The following THSD7B variants were observed in gnomAD, a reference collection of about 807,000 sequenced individuals.
The protein encoded by THSD7B is thrombospondin type 1 domain containing 7B.
In THSD7B, 138 loss-of-function variants were observed where a neutral mutation model predicts 213.6. That is an observed-to-expected ratio of 0.65 (90% CI 0.56 to 0.74). The LOEUF (loss-of-function observed/expected upper bound fraction) is 0.74, where lower values mean the gene tolerates loss of function less well. Ranked by LOEUF, THSD7B falls within the 30% of genes least tolerant of loss-of-function variation. The pLI is 0.00. For synonymous variants in THSD7B, 742 were observed against 687.0 expected (o/e 1.08, Z -1.25); for missense variants, 1,931 against 1,991.5 (o/e 0.97, Z 0.58).
At chr2:136,813,486 G>A (rs1400732651) in intron 1 of THSD7B, among the ~76,000 whole-genome samples, 2 of 145,944 alleles carry the variant, frequency 1.4e-5, no homozygotes, top group African/African-American at 5.6e-5. Flanking sequence ...ATTGACAAAT[G>A]GCTCGCCTGT....
At chr2:137,415,664 GTTTTTTTTT>G (rs10563702) in intron 14 of THSD7B, among the ~76,000 whole-genome samples, 1 of 80,116 alleles carries the variant, frequency 1.2e-5, no homozygotes, top group East Asian at 4.9e-4. Flanking sequence ...TTATATCAGT[GTTTTTTTTT>G]TTTTTTTTTT....
At chr2:137,069,259 A>G (rs1687435736) in intron 3 of THSD7B, among the ~76,000 whole-genome samples, 1 of 152,032 alleles carries the variant, frequency 6.6e-6, no homozygotes, top group Non-Finnish European at 1.5e-5. Context: ...ACTTTTTATA[A>G]TACCTTAACT....
At chr2:136,799,241 G>A (rs905400875) in intron 1 of THSD7B, among the ~76,000 whole-genome samples, 5 of 151,694 alleles carry the variant, frequency 3.3e-5, no homozygotes, top group African/African-American at 7.3e-5. Flanking sequence ...GCCCTCCACT[G>A]TAATAATCCA....
chr2:137,254,058 A>G (rs17418821), intron 10 of THSD7B, among the ~76,000 whole-genome samples: 3,421 of 152,294 alleles, frequency 0.022, 53 homozygotes, highest in East Asian at 0.052. Context: ...TGCTTAAATG[A>G]AATAGATTGC....
chr2:136,987,029 T>C (rs986604601), intron 2 of THSD7B, among the ~76,000 whole-genome samples: 1 of 152,222 alleles, frequency 6.6e-6, no homozygotes, highest in African/African-American at 2.4e-5. Context: ...ACCTACTTTG[T>C]GACAGAACAT....
chr2:136,816,821 C>T (rs995414047), intron 1 of THSD7B, among the ~76,000 whole-genome samples: 4 of 152,084 alleles, frequency 2.6e-5, no homozygotes, highest in Non-Finnish European at 4.4e-5. Flanking sequence ...ATATTATACA[C>T]GAAGATTGAA....
At position 137,080,186 on chromosome 2, in the gene THSD7B, G is replaced by GTA. The variant is rs1333165171; in HGVS notation, c.951-14676_951-14675dup. ...TAAATATATGTGTGTGTGTGTGTGT[G>GTA]TATATATATATAATTGTATTGTATT... is the stretch of plus-strand genomic sequence containing the variant. On this transcript the variant is annotated intron_variant, in intron 3 of 27. Coordinates refer to ENST00000409968, the MANE Select transcript of THSD7B (RefSeq NM_001316349.2). Among the ~76,000 whole-genome samples the GTA allele has an allele frequency of 1.6e-3, 237 of 150,184 alleles. No homozygotes were observed. In the East Asian group the frequency reaches 0.016, roughly 10 times the overall value.
chr2:136,998,964 G>A (rs1403409494), intron 2 of THSD7B, among the ~76,000 whole-genome samples: 2 of 117,674 alleles, frequency 1.7e-5, no homozygotes, highest in East Asian at 5.8e-4. Flanking sequence ...ACACACCCCT[G>A]CTTTCTTTTT....
intron 2 of THSD7B, among the ~76,000 whole-genome samples, chr2:137,049,064 T>C (rs996395828): frequency 6.6e-6 from 1 of 152,250 alleles, no homozygotes; most frequent in African/African-American, 2.4e-5. Flanking sequence ...AGCTGAAGCA[T>C]TTATTGTAAG....
At chr2:137,002,498 T>C (rs1037200469) in intron 2 of THSD7B, among the ~76,000 whole-genome samples, 1 of 152,196 alleles carries the variant, frequency 6.6e-6, no homozygotes, top group African/African-American at 2.4e-5. Flanking sequence ...TGGTATCTTA[T>C]GAGTTTTTAA....
At chr2:137,390,996 G>T (rs554917015) in intron 12 of THSD7B, among the ~76,000 whole-genome samples, 12 of 152,170 alleles carry the variant, frequency 7.9e-5, no homozygotes, top group African/African-American at 2.9e-4. Flanking sequence ...TGGGGTGTGT[G>T]TGTGTGTGTG....
At chr2:136,819,210 AG>A (rs1184855830) in intron 1 of THSD7B, among the ~76,000 whole-genome samples, 1 of 152,232 alleles carries the variant, frequency 6.6e-6, no homozygotes, top group Admixed American at 6.5e-5. Flanking sequence ...GGTCTTTAAA[AG>A]TCAAGATCAT....
At position 137,437,358 on chromosome 2, in the gene THSD7B, T is replaced by A. The variant is rs542222575; in HGVS notation, c.2960-13487T>A. ...AACAGTCAGTATAAGGAGATGGTCT[T>A]GCCTGTGCCCTCACTGCTCCAAGTT... On this transcript the variant is annotated intron_variant, in intron 14 of 27. Transcript: ENST00000409968. Among the ~76,000 whole-genome samples, 4 of 152,314 alleles carry A rather than the reference T, an allele frequency of 2.6e-5. No individual in the cohort carries two copies. The East Asian group carries it at 5.8e-4, about 22-fold the overall frequency.
intron 1 of THSD7B, among the ~76,000 whole-genome samples, chr2:136,836,207 G>T (rs1337413967): frequency 6.6e-6 from 1 of 152,180 alleles, no homozygotes; most frequent in Admixed American, 6.5e-5. Flanking sequence ...TATGTGAGCT[G>T]CAATGCAAAC....
intron 1 of THSD7B, among the ~76,000 whole-genome samples, chr2:136,802,672 T>TATATATATATAA (rs1682211032): frequency 8.1e-6 from 1 of 123,882 alleles, no homozygotes; most frequent in East Asian, 2.4e-4. Context: ...TATATATATA[T>TATATATATATAA]ATATATATAT....
At chr2:136,916,836 A>G (rs1349466341) in intron 2 of THSD7B, among the ~76,000 whole-genome samples, 3 of 152,194 alleles carry the variant, frequency 2.0e-5, no homozygotes, top group East Asian at 1.9e-4. Flanking sequence ...TTACAGTGGA[A>G]AAGGACCCAA....
At chr2:136,865,963 A>G (rs1683325283) in intron 1 of THSD7B, among the ~76,000 whole-genome samples, 1 of 152,194 alleles carries the variant, frequency 6.6e-6, no homozygotes, top group Non-Finnish European at 1.5e-5. Flanking sequence ...GAACAGAGTG[A>G]CAAATGACCT....
rs183976342 is a variant in THSD7B, at chr2:137,538,816, G to A, written c.3139-24405G>A. On this transcript the variant is annotated intron_variant, in intron 15 of 27. Transcript: ENST00000409968. ...TTTCAGAATCAGCATAATATAATAG[G>A]CTCTGAAAAGATTTCTGACACGGAA... Among the ~76,000 whole-genome samples the A allele has an allele frequency of 2.3e-4, 35 of 151,682 alleles. 1 individual carries two copies. Among genetic ancestry groups the A allele is most frequent in the Admixed American group, 2.1e-3 (32 of 15,190 alleles).
At chr2:137,357,542 C>T (rs994733464) in intron 12 of THSD7B, among the ~76,000 whole-genome samples, 10 of 152,062 alleles carry the variant, frequency 6.6e-5, no homozygotes, top group African/African-American at 2.4e-4. Flanking sequence ...AGTAATTGTT[C>T]CATATGTTTA....
Sources: gnomAD v4.1 joint callset for allele counts (sites outside exome capture counted in the v4.1 genomes callset) on GRCh38, gnomAD v4.1.1 for gene constraint, MANE v1.5 for transcripts, NCBI Gene and HGNC (gene_info 2026-07-23, HGNC 2026-07-21) for gene names.